Variants in GPC5 observed in about 807,000 individuals in gnomAD.
The protein encoded by GPC5 is glypican-5.
GPC5 carries 47 observed loss-of-function variants against 53.9 expected under a neutral mutation model. The observed-to-expected ratio is 0.87, with a 90% CI of 0.69 to 1.11. GPC5 has a LOEUF of 1.11. Ranked by LOEUF, GPC5 falls within the 50% of genes most tolerant of loss-of-function variation. The pLI, the probability that GPC5 is intolerant of heterozygous loss-of-function variation, is 0.00. For synonymous variants in GPC5, 286 were observed against 263.3 expected, an observed-to-expected ratio of 1.09 and a Z score of -0.84; for missense variants, 748 against 713.1, an observed-to-expected ratio of 1.05 and a Z score of -0.56.
chr13:92,074,472 G>A (rs2041237109), intron 6 of GPC5, among the ~76,000 whole-genome samples: 1 of 152,112 alleles, frequency 6.6e-6, no homozygotes, highest in African/African-American at 2.4e-5. Context: ...AAACACAGAG[G>A]GTATAAGTGT....
At chr13:91,536,027 T>C (rs2138699210) in intron 2 of GPC5, among the ~76,000 whole-genome samples, 1 of 152,348 alleles carries the variant, frequency 6.6e-6, no homozygotes, top group Admixed American at 6.5e-5. Flanking sequence ...TTTTAATGGC[T>C]TTACAGTATG....
chr13:92,204,043 A>C (rs1462880758), intron 7 of GPC5, among the ~76,000 whole-genome samples: 1 of 152,220 alleles, frequency 6.6e-6, no homozygotes, highest in Non-Finnish European at 1.5e-5. Context: ...CTTAAAGCTC[A>C]TGTTATATTA....
intron 6 of GPC5, among the ~76,000 whole-genome samples, chr13:91,987,752 A>G (rs1011066967): frequency 6.9e-6 from 1 of 145,304 alleles, no homozygotes; most frequent in Non-Finnish European, 1.5e-5. Context: ...TATAGTATTT[A>G]TATTATATTA....
chr13:91,933,324 G>A (rs1404217594), intron 6 of GPC5, among the ~76,000 whole-genome samples: 3 of 151,852 alleles, frequency 2.0e-5, no homozygotes, highest in Non-Finnish European at 4.4e-5. Flanking sequence ...CCAATTCATA[G>A]TTTTTGTTCT....
intron 4 of GPC5, among the ~76,000 whole-genome samples, chr13:91,744,109 C>G (rs2036996600): frequency 6.6e-6 from 1 of 152,000 alleles, no homozygotes. Flanking sequence ...TTGGGTTTGT[C>G]TACATTTTCC....
chr13:91,787,215 T>C (rs1369816870), intron 5 of GPC5, among the ~76,000 whole-genome samples: 2 of 152,176 alleles, frequency 1.3e-5, no homozygotes, highest in Non-Finnish European at 2.9e-5. Flanking sequence ...TTGAACTGTT[T>C]AGAACATCAG....
chr13:91,429,963 C>T (rs1186150339), intron 1 of GPC5, among the ~76,000 whole-genome samples: 1 of 152,170 alleles, frequency 6.6e-6, no homozygotes, highest in Non-Finnish European at 1.5e-5. Context: ...TTAGATTATA[C>T]ACTCTGGCAG....
At chr13:91,650,755 T>TG (rs1350950174) in intron 2 of GPC5, among the ~76,000 whole-genome samples, 20 of 140,808 alleles carry the variant, frequency 1.4e-4, no homozygotes, top group East Asian at 8.0e-4. Context: ...CATAAGTTTT[T>TG]TTTTTTTTTT....
At chr13:91,617,289 G>A (rs1046092778) in intron 2 of GPC5, among the ~76,000 whole-genome samples, 1 of 152,070 alleles carries the variant, frequency 6.6e-6, no homozygotes, top group Non-Finnish European at 1.5e-5. Context: ...TGCATAGGCT[G>A]GGGGGAAGAC....
intron 5 of GPC5, among the ~76,000 whole-genome samples, chr13:91,837,074 T>C (rs1326760924): frequency 1.3e-5 from 2 of 150,014 alleles, no homozygotes; most frequent in African/African-American, 2.4e-5. Context: ...TTTATTGATT[T>C]GAATTTATAT....
At chr13:91,861,677 T>C (rs1289765765) in intron 5 of GPC5, among the ~76,000 whole-genome samples, 2 of 135,770 alleles carry the variant, frequency 1.5e-5, no homozygotes, top group African/African-American at 2.5e-5. Flanking sequence ...ATCTCTACCT[T>C]ACAATTGGAT....
chr13:92,236,737 T>G (rs1443182043), intron 7 of GPC5, among the ~76,000 whole-genome samples: 4 of 152,176 alleles, frequency 2.6e-5, no homozygotes, highest in African/African-American at 9.6e-5. Flanking sequence ...GTGTATCATG[T>G]TGATTTAACT....
intron 6 of GPC5, among the ~76,000 whole-genome samples, chr13:92,016,666 T>G (rs1023983635): frequency 3.9e-5 from 6 of 152,214 alleles, no homozygotes; most frequent in Non-Finnish European, 8.8e-5. Context: ...AGTGTTATTT[T>G]GACAGCCATT....
At chr13:91,501,553 T>A (rs1489799199) in intron 2 of GPC5, among the ~76,000 whole-genome samples, 1 of 152,200 alleles carries the variant, frequency 6.6e-6, no homozygotes, top group Non-Finnish European at 1.5e-5. Context: ...GCTTCATCCA[T>A]GTCCCTACAA....
In GPC5 at chr13:92,591,126, GA is replaced by G. The variant is rs533603242; in HGVS notation, c.1562-275149del. 5.3e-5 allele frequency among the ~76,000 whole-genome samples: 8 copies of G among 152,160 alleles called. No homozygotes were observed. In the East Asian group the frequency reaches 7.7e-4, roughly 15 times the overall value. ...TCATCAACCTTTATATGCTGATTGG[GA>G]AAAAAATAATGTTTAAATCAGTTCA... On this transcript the variant is annotated intron_variant, in intron 7 of 7. Transcript: ENST00000377067.
At chr13:91,969,726 A>G (rs1012371642) in intron 6 of GPC5, among the ~76,000 whole-genome samples, 3 of 152,238 alleles carry the variant, frequency 2.0e-5, no homozygotes, top group African/African-American at 7.2e-5. Flanking sequence ...AGATTTCACA[A>G]AATAAAACAT....
chr13:91,512,824 C>A (rs994922207), intron 2 of GPC5, among the ~76,000 whole-genome samples: 3 of 152,072 alleles, frequency 2.0e-5, no homozygotes, highest in Admixed American at 6.5e-5. Flanking sequence ...TTTTCTAGTA[C>A]CATTAGGGTT....
intron 7 of GPC5, among the ~76,000 whole-genome samples, chr13:92,539,684 A>C (rs1191452041): frequency 6.6e-6 from 1 of 151,070 alleles, no homozygotes; most frequent in African/African-American, 2.4e-5. Context: ...TCCCTTTCCA[A>C]CCTTCCCCTT....
At chr13:91,807,416 T>A (rs2038239478) in intron 5 of GPC5, among the ~76,000 whole-genome samples, 1 of 152,144 alleles carries the variant, frequency 6.6e-6, no homozygotes, top group Admixed American at 6.6e-5. Context: ...AGGAGGCACA[T>A]TGGAGTAGAA....
Sources: gnomAD v4.1 joint callset for allele counts (sites outside exome capture counted in the v4.1 genomes callset) on GRCh38, gnomAD v4.1.1 for gene constraint, MANE v1.5 for transcripts, NCBI Gene and HGNC (gene_info 2026-07-23, HGNC 2026-07-21) for gene names.